The following MAST4 variants were observed in gnomAD, a reference collection of about 807,000 sequenced individuals.
MAST4 encodes microtubule-associated serine/threonine-protein kinase 4.
MAST4 carries 89 observed loss-of-function variants against 162.7 expected under a neutral mutation model. The observed-to-expected ratio is 0.55, with a 90% CI of 0.46 to 0.65. The LOEUF (loss-of-function observed/expected upper bound fraction) is 0.65, where lower values mean the gene tolerates loss of function less well. MAST4 is among the 30% of genes least tolerant of loss of function. The pLI, the probability that MAST4 is intolerant of heterozygous loss-of-function variation, is 0.00. For missense variants in MAST4, 3,153 were observed against 3,374.0 expected (o/e 0.93, Z 1.62); for synonymous variants, 1,479 against 1,361.1 (o/e 1.09, Z -1.91).
At chr5:66,598,078 C>T (rs1742316531) in intron 1 of MAST4, among the ~76,000 whole-genome samples, 1 of 152,086 alleles carries the variant, frequency 6.6e-6, no homozygotes, top group East Asian at 1.9e-4. Flanking sequence ...TGCCTTTGTC[C>T]CTTAGAGTAA....
At chr5:66,657,828 C>G (rs1481278060) in intron 1 of MAST4, among the ~76,000 whole-genome samples, 1 of 152,076 alleles carries the variant, frequency 6.6e-6, no homozygotes, top group Admixed American at 6.5e-5. Context: ...TGTGACAAAA[C>G]ACAGAAATGG....
chr5:67,058,087 T>C (rs184973664), intron 5 of MAST4, among the ~76,000 whole-genome samples: 70 of 151,888 alleles, frequency 4.6e-4, no homozygotes, highest in Non-Finnish European at 4.4e-5. Context: ...TTCTAAAAAT[T>C]ACCCAGGCAT....
chr5:67,049,070 T>C (rs1325602886), intron 4 of MAST4, among the ~76,000 whole-genome samples: 1 of 142,614 alleles, frequency 7.0e-6, no homozygotes, highest in Admixed American at 7.1e-5. Flanking sequence ...CGTATATATA[T>C]ATATATATAC....
At position 66,664,290 on chromosome 5, in the gene MAST4, G is replaced by T. The variant is rs148922878; in HGVS notation, c.363+67272G>T. ...GTCTCTAATAAAAATACAAAATTAG[G>T]TGGACGTGGTGACGGGCACTGGTAA... On this transcript the variant is annotated intron_variant, in intron 1 of 28. Coordinates refer to ENST00000403625, the MANE Select transcript of MAST4 (RefSeq NM_001164664.2). Among the ~76,000 whole-genome samples, 16 of 151,694 alleles carry T rather than the reference G, an allele frequency of 1.1e-4. No individual in the cohort carries two copies. In the East Asian group the frequency reaches 3.1e-3, roughly 29 times the overall value.
chr5:67,020,331 CAG>C (rs1292927099), intron 4 of MAST4, among the ~76,000 whole-genome samples: 1 of 152,164 alleles, frequency 6.6e-6, no homozygotes, highest in African/African-American at 2.4e-5. Flanking sequence ...AAAATTCTCT[CAG>C]AGATTGTTGG....
rs150445063 is a variant in MAST4, at chr5:67,151,956, A to G, written c.3296-681A>G. ...CTAATTTTTTGTATTATTTGTAGAG[A>G]CAGGGTTTAGCCATATTACCTGGCT... On this transcript the variant is annotated intron_variant, in intron 24 of 28. Transcript: ENST00000403625. Among the ~76,000 whole-genome samples, 59 of 151,838 alleles carry G rather than the reference A, an allele frequency of 3.9e-4. No individual in the cohort carries two copies. In the East Asian group the frequency reaches 0.011, roughly 28 times the overall value.
intron 1 of MAST4, among the ~76,000 whole-genome samples, chr5:66,601,076 A>G (rs1742521155): frequency 6.6e-6 from 1 of 152,200 alleles, no homozygotes; most frequent in Admixed American, 6.5e-5. Context: ...GGATGTGTTT[A>G]TGGAGTGGGG....
chr5:67,165,688 C>A lies in MAST4; in HGVS notation c.6509C>A (p.Ala2170Glu). The change falls in exon 29 of 29, where the codon GCA (alanine) becomes GAA (glutamate). Residue 2170 changes from alanine to glutamate, a missense_variant. Physicochemically the swap from Ala to Glu is moderately radical, Grantham distance 107 (BLOSUM62 -1). Around this residue, in one of 7 missense-constraint regions of MAST4, gnomAD observed 1,644 missense variants for 1,495.0 expected, o/e 1.10. Transcript: ENST00000403625. ...GAGCCGGGGGCCAAGCCCAGCACTGCAGAGCCCAGCTCGAGCCCCCAGGAC... is the reference window on the plus strand; with the variant it reads ...GAGCCGGGGGCCAAGCCCAGCACTGAAGAGCCCAGCTCGAGCCCCCAGGAC... ...GREPGAKPST[A>E]EPSSSPQDPP... The A allele has an allele frequency of 6.3e-7, 1 of 1,586,058 alleles. No homozygotes were observed.
intron 4 of MAST4, chr5:66,986,359 C>T: frequency 1.1e-6 from 1 of 930,396 alleles, no homozygotes; most frequent in South Asian, 1.6e-5. Flanking sequence ...TGTTGTTACA[C>T]AGAGAAATAC....
At chr5:66,837,395 T>C (rs1156796246) in intron 3 of MAST4, among the ~76,000 whole-genome samples, 1 of 152,174 alleles carries the variant, frequency 6.6e-6, no homozygotes, top group Non-Finnish European at 1.5e-5. Context: ...TGTTTTACTT[T>C]ATAATTAGTT....
chr5:66,617,990 C>A (rs949356833), intron 1 of MAST4, among the ~76,000 whole-genome samples: 17 of 150,346 alleles, frequency 1.1e-4, no homozygotes, highest in Non-Finnish European at 2.9e-5. Context: ...CCCTGTGGAG[C>A]TTTGACATCG....
chr5:66,935,296 T>A (rs181907643), intron 4 of MAST4, among the ~76,000 whole-genome samples: 1 of 152,336 alleles, frequency 6.6e-6, no homozygotes, highest in Non-Finnish European at 1.5e-5. Flanking sequence ...TAGATTTTGA[T>A]ACTATGTGGT....
intron 5 of MAST4, among the ~76,000 whole-genome samples, chr5:67,065,191 A>G (rs1275601429): frequency 6.6e-6 from 1 of 152,190 alleles, no homozygotes; most frequent in Non-Finnish European, 1.5e-5. Flanking sequence ...TTGTTCTAAG[A>G]TATGATCAGT....
rs764489623 is a variant in MAST4, at chr5:66,759,634, G to T, written c.364-75G>T. On this transcript the variant is annotated intron_variant, in intron 1 of 28. Transcript: ENST00000403625. ...GAGAAGGAAAAGAAAGGAAGAAAAA[G>T]TGTGAATGATTGGTCTTTCATTCTA... 1.2e-5 allele frequency: 19 copies of T among 1,523,504 alleles called. No homozygotes were observed. The Admixed American group carries it at 3.5e-4, about 28-fold the overall frequency. 94.4% of individuals were successfully genotyped at this position (1,523,504 alleles called of 1,614,324 possible).
intron 16 of MAST4, among the ~76,000 whole-genome samples, chr5:67,132,685 C>T (rs1234837885): frequency 6.6e-6 from 1 of 152,004 alleles, no homozygotes; most frequent in Non-Finnish European, 1.5e-5. Flanking sequence ...TTAAATATTT[C>T]ATGCTTTCTC....
intron 3 of MAST4, among the ~76,000 whole-genome samples, chr5:66,850,207 A>G (rs2149809996): frequency 6.6e-6 from 1 of 152,350 alleles, no homozygotes; most frequent in African/African-American, 2.4e-5. Context: ...CTTTAGAATT[A>G]GAGAATTGTA....
intron 5 of MAST4, among the ~76,000 whole-genome samples, chr5:67,084,551 T>C (rs2545395): frequency 0.39 from 59,304 of 151,956 alleles, 14,391 homozygotes; most frequent in African/African-American, 0.7. Context: ...ATAACAGGGA[T>C]GAGATTAGAC....
At chr5:66,866,944 T>C (rs1760571805) in intron 3 of MAST4, among the ~76,000 whole-genome samples, 2 of 149,116 alleles carry the variant, frequency 1.3e-5, no homozygotes, top group Admixed American at 6.7e-5. Context: ...TTGTTTGTTT[T>C]TTAAGTAGGT....
intron 3 of MAST4, among the ~76,000 whole-genome samples, chr5:66,837,892 ATATTT>A (rs1253602814): frequency 2.3e-4 from 8 of 35,020 alleles, no homozygotes; most frequent in Middle Eastern, 0.017. Flanking sequence ...ATATATATAT[ATATTT>A]TTTTTTTTTT....
Sources: gnomAD v4.1 joint callset for allele counts (sites outside exome capture counted in the v4.1 genomes callset) on GRCh38, gnomAD v4.1.1 for gene constraint, gnomAD v4.1.1 regional missense constraint, MANE v1.5 for transcripts, NCBI Gene and HGNC (gene_info 2026-07-23, HGNC 2026-07-21) for gene names.